The following FNDC3A variants were observed in gnomAD, a reference collection of about 807,000 sequenced individuals.
FNDC3A encodes the protein fibronectin type III domain containing 3A, also known as fibronectin type-III domain-containing protein 3A.
FNDC3A carries 32 observed loss-of-function variants against 148.9 expected under a neutral mutation model. The observed-to-expected ratio is 0.21, with a 90% CI of 0.16 to 0.29. FNDC3A has a LOEUF of 0.29. Ranked by LOEUF, FNDC3A falls within the 10% of genes least tolerant of loss-of-function variation. FNDC3A has a pLI of 1.00. For missense variants in FNDC3A, 1,191 were observed against 1,452.8 expected (o/e 0.82, Z 2.93); for synonymous variants, 472 against 473.6 (o/e 1.00, Z 0.04).
chr13:49,110,809 A>G (rs1880515247), intron 3 of FNDC3A, among the ~76,000 whole-genome samples: 1 of 152,262 alleles, frequency 6.6e-6, no homozygotes, highest in South Asian at 2.1e-4. Context: ...ATGTATATTA[A>G]CAAGGAAAGA....
Position 49,195,309 on chromosome 13 carries a change from T to TA in FNDC3A, c.2227-1567dup, listed in dbSNP as rs1886094644. 2.0e-5 allele frequency among the ~76,000 whole-genome samples: 3 copies of TA among 152,152 alleles called. No individual in the cohort carries two copies. In the South Asian group the frequency reaches 6.2e-4, roughly 31 times the overall value. On this transcript the variant is annotated intron_variant, in intron 19 of 25. Coordinates refer to ENST00000492622, the MANE Select transcript of FNDC3A (RefSeq NM_001079673.2). The stretch of plus-strand genomic sequence containing the variant: ...ATTTTTTACTTTTTTATAAAACAGT[T>TA]ACGTTCACAATATTAGCCTGAGGTA...
At chr13:49,075,058 G>GA (rs1329527280) in intron 2 of FNDC3A, among the ~76,000 whole-genome samples, 2 of 152,096 alleles carry the variant, frequency 1.3e-5, no homozygotes, top group Admixed American at 1.3e-4. Flanking sequence ...TCTTTCTAAT[G>GA]AAAGTGTGTC....
At chr13:49,085,140 C>T (rs752532265) in intron 3 of FNDC3A, among the ~76,000 whole-genome samples, 55 of 152,258 alleles carry the variant, frequency 3.6e-4, no homozygotes, top group Non-Finnish European at 6.9e-4. Context: ...TATAACCACA[C>T]GTCCATCCTC....
chr13:49,195,433 T>C (rs1470662876), intron 19 of FNDC3A, among the ~76,000 whole-genome samples: 5 of 152,208 alleles, frequency 3.3e-5, no homozygotes, highest in African/African-American at 1.2e-4. Context: ...TCACTGATAC[T>C]CTGAATAAGT....
rs144030293 is a variant in FNDC3A at position 49,198,363 on chromosome 13, A to G, written c.2776A>G (p.Ile926Val). 6.2e-7 allele frequency: 1 copy of G among 1,614,082 alleles called. No homozygotes were observed. The highest frequency in any genetic ancestry group is 2.2e-5 in the East Asian group (1 of 44,884). Residue 926 changes from isoleucine to valine, a missense_variant and splice_region_variant, in exon 23 of 26, where the codon ATA (isoleucine) becomes GTA (valine). Physicochemically the swap from Ile to Val is conservative, Grantham distance 29. Coordinates refer to ENST00000492622, the MANE Select transcript of FNDC3A (RefSeq NM_001079673.2). ...NNLQPDTTYR[I>V]RIQALNSLGA... Reference sequence around the variant, plus strand: ...CTTTTTTTCTTATGTGGCACTTAGAATACGAATTCAAGCCTTGAATAGCCT... The same window carrying G: ...CTTTTTTTCTTATGTGGCACTTAGAGTACGAATTCAAGCCTTGAATAGCCT...
intron 7 of FNDC3A, among the ~76,000 whole-genome samples, chr13:49,139,659 A>G (rs547244963): frequency 6.6e-6 from 1 of 152,146 alleles, no homozygotes; most frequent in Non-Finnish European, 1.5e-5. Context: ...TCTTTATTCT[A>G]ATCTGTTTTC....
At chr13:49,104,805 C>T (rs184235280) in intron 3 of FNDC3A, among the ~76,000 whole-genome samples, 158 of 152,192 alleles carry the variant, frequency 1.0e-3, no homozygotes, top group Admixed American at 4.3e-3. Context: ...AAAATTAATG[C>T]TTGAAGACTT....
At position 49,145,934 on chromosome 13, in the gene FNDC3A, G is replaced by T. The variant is rs148351632; in HGVS notation, c.976G>T (p.Val326Leu). 1 of 1,604,006 alleles carries T rather than the reference G, an allele frequency of 6.2e-7. No individual in the cohort carries two copies. Among genetic ancestry groups the T allele is most frequent in the East Asian group, 2.2e-5 (1 of 44,722 alleles). The change falls in exon 8 of 26, where the codon GTA becomes TTA. Residue 326 changes from valine to leucine, a missense_variant and splice_region_variant. Around this residue, in one of 3 missense-constraint regions of FNDC3A, gnomAD observed 426 missense variants for 473.2 expected, o/e 0.90. Transcript: ENST00000492622. Reference protein sequence around the residue: ...GKDGKYKSVYVGEETNITLND... With the variant: ...GKDGKYKSVYLGEETNITLND... ...AGATGGGAAATACAAAAGTGTATAT[G>T]TGTAGGTATTTGTTGTTTTGCTTTC...
intron 2 of FNDC3A, among the ~76,000 whole-genome samples, chr13:49,073,380 A>G (rs1322880073): frequency 6.6e-6 from 1 of 152,124 alleles, no homozygotes; most frequent in Non-Finnish European, 1.5e-5. Context: ...CATAACAATC[A>G]AAGAAGGATA....
chr13:49,079,337 G>A (rs1053420868), intron 3 of FNDC3A, among the ~76,000 whole-genome samples: 1 of 152,144 alleles, frequency 6.6e-6, no homozygotes, highest in Non-Finnish European at 1.5e-5. Flanking sequence ...GGGAAAAAAA[G>A]GGAAAATTAA....
intron 2 of FNDC3A, among the ~76,000 whole-genome samples, chr13:49,057,025 A>G (rs960975250): frequency 5.9e-5 from 9 of 152,188 alleles, no homozygotes; most frequent in African/African-American, 1.9e-4. Flanking sequence ...GGAATTCTCA[A>G]TAACTTGGTT....
intron 3 of FNDC3A, among the ~76,000 whole-genome samples, chr13:49,084,066 A>G (rs1206416843): frequency 6.6e-6 from 1 of 152,218 alleles, no homozygotes; most frequent in Non-Finnish European, 1.5e-5. Context: ...GTAGACCTAT[A>G]AATAGTATAT....
rs1229817273 is a variant in FNDC3A at position 49,208,742 on chromosome 13, T to C, written c.*1347T>C. ...AATTCTTGTTTTAGCACATCTGTTA[T>C]CCGTAAAACACCTGTAACTAGCTTT... On this transcript the variant is annotated 3_prime_UTR_variant, in exon 26 of 26. Transcript: ENST00000492622. 2.0e-5 allele frequency: 3 copies of C among 152,654 alleles called. No individual in the cohort carries two copies. The highest frequency in any genetic ancestry group is 6.5e-5 in the Admixed American group (1 of 15,280). 9.5% of individuals were successfully genotyped at this position (152,654 alleles called of 1,614,324 possible). A position where few individuals can be genotyped will look rare whatever the true frequency, so the allele number is the denominator to read the frequency against.
intron 1 of FNDC3A, chr13:48,976,566 C>G (rs1951603870): frequency 6.6e-6 from 1 of 152,248 alleles, no homozygotes; most frequent in Admixed American, 6.5e-5. Flanking sequence ...CGGCGAGCCG[C>G]GTAGCTCCGG....
chr13:49,182,698 A>G (rs955262823), intron 14 of FNDC3A, among the ~76,000 whole-genome samples: 6 of 152,152 alleles, frequency 3.9e-5, no homozygotes, highest in East Asian at 1.9e-4. Flanking sequence ...AACAGCTTCT[A>G]TCTGGCTCCG....
rs1952216307 is a variant in FNDC3A, at chr13:49,006,139, G to C, written c.-39-13G>C. 2 of 958,048 alleles carry C rather than the reference G, an allele frequency of 2.1e-6. No homozygotes were observed. Among genetic ancestry groups the C allele is most frequent in the East Asian group, 2.5e-5 (1 of 40,578 alleles). The allele number at this position is 958,048 out of a possible 1,614,324, so 59.3% of individuals were successfully genotyped here. Reference sequence around the variant, plus strand: ...GATATACTTACAAATGACTATATATGTTTGTTTTTCAGAATTGGAGCGTTA... The same window carrying C: ...GATATACTTACAAATGACTATATATCTTTGTTTTTCAGAATTGGAGCGTTA... On this transcript the variant is annotated splice_polypyrimidine_tract_variant and intron_variant, in intron 1 of 25. Transcript: ENST00000492622.
At chr13:49,030,587 G>A (rs868645274) in intron 2 of FNDC3A, among the ~76,000 whole-genome samples, 40 of 152,208 alleles carry the variant, frequency 2.6e-4, no homozygotes, top group Middle Eastern at 3.4e-3. Flanking sequence ...TATTCAAAGA[G>A]AACATGATCT....
chr13:49,088,206 G>A (rs979517037), intron 3 of FNDC3A, among the ~76,000 whole-genome samples: 4 of 152,024 alleles, frequency 2.6e-5, no homozygotes, highest in Non-Finnish European at 5.9e-5. Context: ...CACTATGTAG[G>A]CACTCAATAA....
At chr13:49,026,641 C>T (rs1007126036) in intron 2 of FNDC3A, among the ~76,000 whole-genome samples, 9 of 152,094 alleles carry the variant, frequency 5.9e-5, no homozygotes, top group Non-Finnish European at 1.2e-4. Flanking sequence ...GTAGCTAGAA[C>T]TACAGGCATA....
Sources: gnomAD v4.1 joint callset for allele counts (sites outside exome capture counted in the v4.1 genomes callset) on GRCh38, gnomAD v4.1.1 for gene constraint, gnomAD v4.1.1 regional missense constraint, MANE v1.5 for transcripts, NCBI Gene and HGNC (gene_info 2026-07-23, HGNC 2026-07-21) for gene names.